The following DCHS2 variants were observed in gnomAD, a reference collection of about 807,000 sequenced individuals.
DCHS2 encodes protocadherin-23.
In DCHS2, 142 loss-of-function variants were observed where a neutral mutation model predicts 182.4. The observed-to-expected ratio is 0.78, with a 90% CI of 0.68 to 0.89. DCHS2 has a LOEUF of 0.89. Ranked by LOEUF, DCHS2 falls within the 40% of genes least tolerant of loss-of-function variation. The pLI is 0.00. For synonymous variants in DCHS2, 1,740 were observed against 1,663.3 expected (o/e 1.05, Z -1.12); for missense variants, 4,319 against 4,198.6 (o/e 1.03, Z -0.79).
At chr4:154,462,146 C>T (rs1735035021) in intron 1 of DCHS2, among the ~76,000 whole-genome samples, 1 of 152,134 alleles carries the variant, frequency 6.6e-6, no homozygotes, top group Non-Finnish European at 1.5e-5. Context: ...GAATTTTTAT[C>T]CCCTTAACAT....
At chr4:154,275,266 A>T (rs1316107156) in intron 13 of DCHS2, among the ~76,000 whole-genome samples, 3 of 152,170 alleles carry the variant, frequency 2.0e-5, no homozygotes, top group Non-Finnish European at 4.4e-5. Context: ...GAATTTGTTA[A>T]GGAAAAAGAG....
chr4:154,472,907 T>C (rs1396473013), intron 1 of DCHS2, among the ~76,000 whole-genome samples: 1 of 152,052 alleles, frequency 6.6e-6, no homozygotes, highest in Non-Finnish European at 1.5e-5. Context: ...AATTTGAAAA[T>C]CATTCAACAG....
rs1183833336 is a variant in DCHS2, at chr4:154,408,802, C to CT, written c.2053-31359dup. Among the ~76,000 whole-genome samples, 7 of 151,960 alleles carry CT rather than the reference C, an allele frequency of 4.6e-5. No homozygotes were observed. The East Asian group carries it at 9.7e-4, about 21-fold the overall frequency. ...GGGATCAGCTTGGAACTAGGAGGTA[C>CT]TTTTTTTTGCGGAGAAAAAGTAAGC... On this transcript the variant is annotated intron_variant, in intron 1 of 19. Transcript: ENST00000357232.
In DCHS2 at chr4:154,419,517, G is replaced by C. The variant is rs1357116927; in HGVS notation, c.2053-42073C>G. Reference sequence around the variant, plus strand: ...AATACAAAAGTTAGCCGGGTGTGGTGGTGGGCACCTGTAATCCCAGCTACT... The same window carrying C: ...AATACAAAAGTTAGCCGGGTGTGGTCGTGGGCACCTGTAATCCCAGCTACT... On this transcript the variant is annotated intron_variant, in intron 1 of 19. Coordinates refer to ENST00000357232, the MANE Select transcript of DCHS2 (RefSeq NM_001358235.2). Among the ~76,000 whole-genome samples the C allele has an allele frequency of 4.0e-5, 6 of 151,886 alleles. 1 individual carries two copies. Among genetic ancestry groups the C allele is most frequent in the Admixed American group, 3.9e-4 (6 of 15,256 alleles).
intron 16 of DCHS2, among the ~76,000 whole-genome samples, chr4:154,246,140 T>C (rs1458950722): frequency 6.6e-6 from 1 of 152,148 alleles, no homozygotes; most frequent in Non-Finnish European, 1.5e-5. Flanking sequence ...GCTCAAGACA[T>C]GGCAAATATT....
At chr4:154,257,913 T>A (rs574000981) in intron 15 of DCHS2, among the ~76,000 whole-genome samples, 6 of 152,204 alleles carry the variant, frequency 3.9e-5, no homozygotes, top group Non-Finnish European at 7.3e-5. Context: ...CTGGGCTTTA[T>A]ATGGGTCTTT....
At chr4:154,397,367 G>C (rs1266700094) in intron 1 of DCHS2, among the ~76,000 whole-genome samples, 1 of 152,188 alleles carries the variant, frequency 6.6e-6, no homozygotes, top group African/African-American at 2.4e-5. Flanking sequence ...TTTGAAGTAA[G>C]TTTAGTCTAG....
intron 13 of DCHS2, among the ~76,000 whole-genome samples, chr4:154,273,139 C>T (rs1012640661): frequency 6.6e-6 from 1 of 152,066 alleles, no homozygotes; most frequent in African/African-American, 2.4e-5. Context: ...AAAAAGATAC[C>T]TGTGTATGCG....
chr4:154,384,409 T>C, intron 1 of DCHS2: 1 of 1,613,610 alleles, frequency 6.2e-7, no homozygotes, highest in Non-Finnish European at 8.5e-7. Context: ...TCCTGGCTTC[T>C]GAACACTATA....
intron 9 of DCHS2, 70 bp downstream of exon 9, chr4:154,320,309 G>A: frequency 6.5e-7 from 1 of 1,535,258 alleles, no homozygotes; most frequent in Non-Finnish European, 8.7e-7. Flanking sequence ...TTTGTTAGGA[G>A]GGTGGGTCTC....
intron 5 of DCHS2, chr4:154,331,625 G>A (rs1170579182): frequency 1.2e-6 from 2 of 1,613,692 alleles, no homozygotes; most frequent in African/African-American, 1.3e-5. Flanking sequence ...ACAAAGGCTT[G>A]AAGTTCATCA....
chr4:154,455,452 C>T (rs1488838280), intron 1 of DCHS2, among the ~76,000 whole-genome samples: 1 of 152,184 alleles, frequency 6.6e-6, no homozygotes, highest in Non-Finnish European at 1.5e-5. Context: ...TATGAGTTCC[C>T]ACCATGTCTG....
intron 10 of DCHS2, among the ~76,000 whole-genome samples, chr4:154,312,031 TATAG>T (rs1267579851): frequency 7.2e-5 from 11 of 152,136 alleles, no homozygotes; most frequent in Middle Eastern, 6.8e-3. Context: ...AGAAAATTTA[TATAG>T]AGAGAGCCAA....
At chr4:154,483,273 C>T (rs1054089224) in intron 1 of DCHS2, among the ~76,000 whole-genome samples, 9 of 152,092 alleles carry the variant, frequency 5.9e-5, no homozygotes, top group African/African-American at 2.2e-4. Context: ...AAGAGCAAGT[C>T]ATCTAGAAAA....
intron 1 of DCHS2, among the ~76,000 whole-genome samples, chr4:154,457,345 G>A (rs191316879): frequency 3.2e-4 from 48 of 152,068 alleles, no homozygotes; most frequent in Non-Finnish European, 4.4e-4. Flanking sequence ...CCATCAAGTC[G>A]TGCAAATCAT....
chr4:154,490,611 C>A lies in DCHS2; in HGVS notation c.745G>T (p.Val249Leu). ...SSSPLEPLDL[V>L]LLRRLDREEA... ...TCTCGGTCCAAGCGCCGCAGCAGCA[C>A]CAGATCTAGAGGCTCCAGGGGTGAC... Residue 249 changes from valine (V) to leucine (L), a missense_variant, in exon 1 of 20, where the codon GTG becomes TTG. Val to Leu is a conservative substitution (Grantham distance 32, BLOSUM62 1). Coordinates refer to ENST00000357232, the MANE Select transcript of DCHS2 (RefSeq NM_001358235.2). 1 of 1,548,872 alleles carries A rather than the reference C, an allele frequency of 6.5e-7. No individual in the cohort carries two copies. Among genetic ancestry groups the A allele is most frequent in the Non-Finnish European group, 8.7e-7 (1 of 1,146,546 alleles).
Position 154,489,401 on chromosome 4 carries a change from G to C in DCHS2, c.1955C>G (p.Thr652Ser), listed in dbSNP as rs542233409. Reference sequence around the variant, plus strand: ...CTCATTGTCATTCACATCATCTACGGTGATGCTCACCAGGCAGGTGGCAGA... The same window carrying C: ...CTCATTGTCATTCACATCATCTACGCTGATGCTCACCAGGCAGGTGGCAGA... ...PLSATCLVSITVDDVNDNEPI... is the reference protein window; with the variant it reads ...PLSATCLVSISVDDVNDNEPI... Residue 652 changes from threonine (T) to serine (S), a missense_variant, in exon 1 of 20, where the codon ACC becomes AGC. Physicochemically the swap from Thr to Ser is moderately conservative, Grantham distance 58. Coordinates refer to ENST00000357232, the MANE Select transcript of DCHS2 (RefSeq NM_001358235.2). 2.6e-6 allele frequency: 4 copies of C among 1,551,660 alleles called. No individual in the cohort carries two copies. Among genetic ancestry groups the C allele is most frequent in the Non-Finnish European group, 2.6e-6 (3 of 1,146,936 alleles).
intron 1 of DCHS2, among the ~76,000 whole-genome samples, chr4:154,406,090 C>T (rs986737864): frequency 6.6e-6 from 1 of 152,268 alleles, no homozygotes; most frequent in African/African-American, 2.4e-5. Flanking sequence ...ACTGGATGAA[C>T]TCTGGCTTCT....
chr4:154,240,274 G>T (rs538199804), intron 18 of DCHS2, among the ~76,000 whole-genome samples: 1 of 148,334 alleles, frequency 6.7e-6, no homozygotes. Context: ...GGTTCCAATT[G>T]TCATGACAAA....
Sources: allele counts gnomAD v4.1 joint callset (sites outside exome capture counted in the v4.1 genomes callset), GRCh38; gene constraint gnomAD v4.1.1; transcripts MANE v1.5; gene names NCBI Gene and HGNC (gene_info 2026-07-23, HGNC 2026-07-21).